Variants in DPP10 observed in about 807,000 individuals in gnomAD.
DPP10 encodes the protein dipeptidyl peptidase like 10.
Under a neutral mutation model 120.9 loss-of-function variants are expected in DPP10, and 33 were observed. The observed-to-expected ratio is 0.27, with a 90% CI of 0.21 to 0.37. The LOEUF (loss-of-function observed/expected upper bound fraction) is 0.37, where lower values mean the gene tolerates loss of function less well. Ranked by LOEUF, DPP10 falls within the 10% of genes least tolerant of loss-of-function variation. DPP10 has a pLI of 1.00. For synonymous variants in DPP10, 337 were observed against 326.1 expected, an observed-to-expected ratio of 1.03 and a Z score of -0.36; for missense variants, 816 against 942.8, an observed-to-expected ratio of 0.87 and a Z score of 1.76.
chr2:115,194,617 A>T (rs1036712523), intron 1 of DPP10, among the ~76,000 whole-genome samples: 1 of 152,182 alleles, frequency 6.6e-6, no homozygotes, highest in Non-Finnish European at 1.5e-5. Flanking sequence ...GTAATGGCCA[A>T]ACGAAGGGGT....
At chr2:115,610,801 T>A (rs1247442226) in intron 5 of DPP10, among the ~76,000 whole-genome samples, 1 of 152,164 alleles carries the variant, frequency 6.6e-6, no homozygotes. Context: ...CAGGCAGAAG[T>A]GAGTACTTGG....
At chr2:114,940,121 TA>T (rs1696782181) in intron 1 of DPP10, among the ~76,000 whole-genome samples, 1 of 152,178 alleles carries the variant, frequency 6.6e-6, no homozygotes, top group African/African-American at 2.4e-5. Flanking sequence ...TAAACATTCA[TA>T]ACGTGTGTGT....
chr2:115,460,758 G>A (rs747324509), intron 3 of DPP10, among the ~76,000 whole-genome samples: 2 of 152,162 alleles, frequency 1.3e-5, no homozygotes, highest in African/African-American at 2.4e-5. Context: ...CTACTGCCAG[G>A]TCTTGAGAAT....
At position 114,706,336 on chromosome 2, in the gene DPP10, G is replaced by T. The variant is rs535574824; in HGVS notation, c.60+263498G>T. On this transcript the variant is annotated intron_variant, in intron 1 of 25. Transcript: ENST00000410059. ...TGCTGAAATAAATGACCAAAACCTT[G>T]ATTGTTTAAAATAACAGTAATTTAC... Among the ~76,000 whole-genome samples, 5 of 152,214 alleles carry T rather than the reference G, an allele frequency of 3.3e-5. No individual in the cohort carries two copies. The East Asian group carries it at 9.7e-4, about 29-fold the overall frequency.
intron 1 of DPP10, among the ~76,000 whole-genome samples, chr2:114,491,800 G>T (rs1256998042): frequency 6.6e-6 from 1 of 152,166 alleles, no homozygotes; most frequent in Non-Finnish European, 1.5e-5. Context: ...CACCTTGGAA[G>T]GCAAATTTAA....
At chr2:114,767,611 T>A (rs1443872623) in intron 1 of DPP10, among the ~76,000 whole-genome samples, 1 of 152,098 alleles carries the variant, frequency 6.6e-6, no homozygotes, top group East Asian at 1.9e-4. Flanking sequence ...GACCAAGGGT[T>A]GCTAAAGAGG....
At chr2:115,026,599 C>T in intron 1 of DPP10, among the ~76,000 whole-genome samples, 1 of 152,050 alleles carries the variant, frequency 6.6e-6, no homozygotes, top group East Asian at 1.9e-4. Flanking sequence ...GCAGTGGTGC[C>T]ATCTCGGCTC....
At chr2:115,130,544 T>TC (rs1407615481) in intron 1 of DPP10, among the ~76,000 whole-genome samples, 1 of 130,644 alleles carries the variant, frequency 7.7e-6, no homozygotes, top group African/African-American at 3.2e-5. Flanking sequence ...ATCCATCCAT[T>TC]CATCTTCAGC....
At chr2:114,963,329 G>T (rs1698783411) in intron 1 of DPP10, among the ~76,000 whole-genome samples, 1 of 152,130 alleles carries the variant, frequency 6.6e-6, no homozygotes, top group African/African-American at 2.4e-5. Flanking sequence ...GTCAGTATCT[G>T]TCAAAGTAAA....
At chr2:114,839,392 A>G (rs1449394488) in intron 1 of DPP10, among the ~76,000 whole-genome samples, 1 of 152,214 alleles carries the variant, frequency 6.6e-6, no homozygotes, top group Non-Finnish European at 1.5e-5. Flanking sequence ...AAGGAAGACT[A>G]TTTCCAGGAG....
chr2:114,756,254 A>T (rs925502372), intron 1 of DPP10, among the ~76,000 whole-genome samples: 1 of 152,218 alleles, frequency 6.6e-6, no homozygotes, highest in Admixed American at 6.5e-5. Flanking sequence ...AGACATGCAT[A>T]CAAGTTATGA....
intron 1 of DPP10, among the ~76,000 whole-genome samples, chr2:114,852,486 A>G (rs1272024496): frequency 1.3e-5 from 2 of 152,170 alleles, no homozygotes; most frequent in Non-Finnish European, 2.9e-5. Flanking sequence ...ATAGCTATTT[A>G]CATAGTATTT....
chr2:114,703,792 A>G (rs1288584472), intron 1 of DPP10, among the ~76,000 whole-genome samples: 1 of 152,170 alleles, frequency 6.6e-6, no homozygotes, highest in Non-Finnish European at 1.5e-5. Context: ...CTGGGTTAAT[A>G]GGAGCATTTT....
At chr2:114,974,503 C>T (rs929037583) in intron 1 of DPP10, among the ~76,000 whole-genome samples, 13 of 151,484 alleles carry the variant, frequency 8.6e-5, no homozygotes, top group African/African-American at 3.2e-4. Context: ...CTGCAACCTC[C>T]CCTTACTGGG....
chr2:115,573,919 T>C (rs2081501910), intron 5 of DPP10, among the ~76,000 whole-genome samples: 1 of 152,174 alleles, frequency 6.6e-6, no homozygotes, highest in South Asian at 2.1e-4. Context: ...TATGCATCTT[T>C]TGGTAACTCC....
At chr2:115,501,854 T>C (rs1471880246) in intron 4 of DPP10, among the ~76,000 whole-genome samples, 1 of 152,094 alleles carries the variant, frequency 6.6e-6, no homozygotes, top group East Asian at 1.9e-4. Context: ...ATTTAATTTC[T>C]CTTCCAGGAA....
intron 3 of DPP10, among the ~76,000 whole-genome samples, chr2:115,458,290 G>A (rs551372229): frequency 5.3e-5 from 8 of 152,078 alleles, no homozygotes; most frequent in Non-Finnish European, 7.4e-5. Flanking sequence ...TCAAGAATGT[G>A]ATTATTTTAA....
intron 1 of DPP10, among the ~76,000 whole-genome samples, chr2:114,730,179 C>T (rs2105938981): frequency 6.6e-6 from 1 of 152,032 alleles, no homozygotes; most frequent in Non-Finnish European, 1.5e-5. Flanking sequence ...ACTTAAAAAG[C>T]ATAAAGACTC....
At chr2:115,576,588 C>A (rs920261600) in intron 5 of DPP10, among the ~76,000 whole-genome samples, 1 of 152,150 alleles carries the variant, frequency 6.6e-6, no homozygotes, top group African/African-American at 2.4e-5. Flanking sequence ...AAGGAGACTG[C>A]ATGAGAACCA....
Sources: allele counts gnomAD v4.1 joint callset (sites outside exome capture counted in the v4.1 genomes callset), GRCh38; gene constraint gnomAD v4.1.1; transcripts MANE v1.5; gene names NCBI Gene and HGNC (gene_info 2026-07-23, HGNC 2026-07-21).